The following ELAPOR2 variants were observed in gnomAD, a reference collection of about 807,000 sequenced individuals.
ELAPOR2 encodes endosome-lysosome associated apoptosis and autophagy regulator family member 2.
ELAPOR2 carries 89 observed loss-of-function variants against 120.7 expected under a neutral mutation model. That is an observed-to-expected ratio of 0.74 (90% CI 0.62 to 0.88). The LOEUF (loss-of-function observed/expected upper bound fraction) is 0.88, where lower values mean the gene tolerates loss of function less well. Ranked by LOEUF, ELAPOR2 falls within the 40% of genes least tolerant of loss-of-function variation. The pLI is 0.00. For synonymous variants in ELAPOR2, 444 were observed against 444.9 expected, an observed-to-expected ratio of 1.00 and a Z score of 0.03; for missense variants, 1,134 against 1,251.6, an observed-to-expected ratio of 0.91 and a Z score of 1.42.
intron 1 of ELAPOR2, among the ~76,000 whole-genome samples, chr7:87,006,656 G>T (rs970243629): frequency 1.3e-5 from 2 of 152,170 alleles, no homozygotes; most frequent in African/African-American, 4.8e-5. Context: ...TTCCTATACA[G>T]CTCAATAAAC....
chr7:87,023,783 C>A (rs186999171), intron 1 of ELAPOR2, among the ~76,000 whole-genome samples: 354 of 152,242 alleles, frequency 2.3e-3, no homozygotes, highest in African/African-American at 7.6e-3. Context: ...TCCTTCACAT[C>A]CCTTGTAAGT....
chr7:87,010,173 T>C (rs902834137), intron 1 of ELAPOR2, among the ~76,000 whole-genome samples: 5 of 152,202 alleles, frequency 3.3e-5, no homozygotes, highest in African/African-American at 9.6e-5. Context: ...AACAAATACA[T>C]TGTATTCCAA....
intron 21 of ELAPOR2, chr7:86,891,455 T>A (rs1180517222): frequency 3.1e-6 from 1 of 324,570 alleles, no homozygotes; most frequent in Non-Finnish European, 5.6e-6. Flanking sequence ...TCTCAATCTT[T>A]AACAGCTGCA....
intron 20 of ELAPOR2, among the ~76,000 whole-genome samples, chr7:86,892,570 A>G (rs532916864): frequency 7.9e-5 from 12 of 152,222 alleles, no homozygotes; most frequent in African/African-American, 2.9e-4. Flanking sequence ...AGGTGAAGGA[A>G]GAAGACAGCA....
chr7:86,914,684 G>C (rs1210868607), intron 13 of ELAPOR2, 39 bp downstream of exon 13: 7 of 1,566,034 alleles, frequency 4.5e-6, no homozygotes, highest in Non-Finnish European at 6.1e-6. Context: ...GGCATCATTA[G>C]TGTGTTTAAA....
chr7:86,966,129 A>T (rs1791893915), intron 1 of ELAPOR2, among the ~76,000 whole-genome samples: 1 of 152,152 alleles, frequency 6.6e-6, no homozygotes, highest in Admixed American at 6.5e-5. Flanking sequence ...CAACAAGAAG[A>T]ACCCAGGCCA....
In ELAPOR2 at chr7:86,938,231, G is replaced by C. The variant is rs1357321015; in HGVS notation, c.1001-17C>G. ...ATCCTTCCTCTGCAACATAAAAAAA[G>C]CGTTTCAGAAATGGGTCAATTATTT... is the stretch of plus-strand genomic sequence containing the variant. On this transcript the variant is annotated splice_polypyrimidine_tract_variant and intron_variant, in intron 7 of 21. Transcript: ENST00000450689. 1 of 1,534,980 alleles carries C rather than the reference G, an allele frequency of 6.5e-7. No homozygotes were observed. The highest frequency in any genetic ancestry group is 1.2e-5 in the South Asian group (1 of 82,682).
Position 86,914,771 on chromosome 7 carries a change from T to C in ELAPOR2, c.1683A>G (p.Ala561=). Residue 561 remains alanine, a synonymous_variant, in exon 13 of 22, where the codon GCA becomes GCG. Coordinates refer to ENST00000450689, the MANE Select transcript of ELAPOR2 (RefSeq NM_001142749.3). ...QAYTHIIFKN[A]TFTFTWAFQR... Reference sequence around the variant, plus strand: ...GGAATGCCCATGTAAATGTAAAAGTTGCATTCTTGAAGATGATATGGGTGT... The same window carrying C: ...GGAATGCCCATGTAAATGTAAAAGTCGCATTCTTGAAGATGATATGGGTGT... The C allele has an allele frequency of 1.9e-6, 3 of 1,612,560 alleles. No individual in the cohort carries two copies. Among genetic ancestry groups the C allele is most frequent in the South Asian group, 2.2e-5 (2 of 90,850 alleles).
chr7:86,977,641 T>C (rs1243810777), intron 1 of ELAPOR2, among the ~76,000 whole-genome samples: 1 of 152,260 alleles, frequency 6.6e-6, no homozygotes, highest in Non-Finnish European at 1.5e-5. Flanking sequence ...TACCACGTCT[T>C]CTAATTCCTC....
chr7:87,041,913 G>A (rs1313851548), intron 1 of ELAPOR2, among the ~76,000 whole-genome samples: 1 of 151,796 alleles, frequency 6.6e-6, no homozygotes, highest in Non-Finnish European at 1.5e-5. Flanking sequence ...AAGGATGGAG[G>A]AAGATCTACC....
At chr7:86,961,788 C>A (rs1429850586) in intron 2 of ELAPOR2, among the ~76,000 whole-genome samples, 2 of 152,210 alleles carry the variant, frequency 1.3e-5, no homozygotes, top group Non-Finnish European at 2.9e-5. Context: ...ATGCTACTTG[C>A]AAGACCTTGA....
At chr7:87,053,242 A>C (rs1359547668) in intron 1 of ELAPOR2, among the ~76,000 whole-genome samples, 5 of 152,226 alleles carry the variant, frequency 3.3e-5, no homozygotes, top group Non-Finnish European at 7.3e-5. Flanking sequence ...TAAGTCAGTG[A>C]TTAGTGCTCC....
chr7:86,963,589 G>T (rs1229368407), intron 2 of ELAPOR2, among the ~76,000 whole-genome samples: 1 of 152,124 alleles, frequency 6.6e-6, no homozygotes, highest in Non-Finnish European at 1.5e-5. Flanking sequence ...CTTGAATAGG[G>T]TTGTTACAAG....
At chr7:86,964,799 C>G in intron 2 of ELAPOR2, 105 bp downstream of exon 2, 1 of 1,250,980 alleles carries the variant, frequency 8.0e-7, no homozygotes, top group Non-Finnish European at 1.1e-6. Context: ...GCCATATGCT[C>G]ATTTTTGTAA....
At chr7:87,031,125 C>T (rs182667265) in intron 1 of ELAPOR2, among the ~76,000 whole-genome samples, 4 of 152,246 alleles carry the variant, frequency 2.6e-5, no homozygotes, top group Admixed American at 2.6e-4. Context: ...ATGGGAGCTA[C>T]AATTCAAGAT....
At chr7:86,891,476 G>A in intron 21 of ELAPOR2, 1 of 394,240 alleles carries the variant, frequency 2.5e-6, no homozygotes, top group East Asian at 4.2e-5. Context: ...GAGTTGCATA[G>A]TATTCTATCA....
At chr7:86,902,180 G>GTTTGT (rs1788757521) in intron 18 of ELAPOR2, among the ~76,000 whole-genome samples, 1 of 151,840 alleles carries the variant, frequency 6.6e-6, no homozygotes, top group Non-Finnish European at 1.5e-5. Context: ...TTGTTTGTTT[G>GTTTGT]TTTGTTTTGT....
chr7:86,883,432 A>G (rs1231993643), intron 21 of ELAPOR2, among the ~76,000 whole-genome samples: 12 of 152,198 alleles, frequency 7.9e-5, no homozygotes, highest in Non-Finnish European at 4.4e-5. Context: ...TAGACACACA[A>G]TAAGATATGT....
intron 1 of ELAPOR2, among the ~76,000 whole-genome samples, chr7:87,014,737 T>C (rs897006140): frequency 2.0e-5 from 3 of 152,178 alleles, no homozygotes; most frequent in African/African-American, 7.2e-5. Flanking sequence ...TTACCCACTA[T>C]AGAGAGCTCT....
Sources: gnomAD v4.1 joint callset for allele counts (sites outside exome capture counted in the v4.1 genomes callset) on GRCh38, gnomAD v4.1.1 for gene constraint, MANE v1.5 for transcripts, NCBI Gene and HGNC (gene_info 2026-07-23, HGNC 2026-07-21) for gene names.